TRIML2: variants seen among roughly 807,000 people sequenced by gnomAD.
TRIML2 encodes the protein probable E3 ubiquitin-protein ligase TRIML2.
In TRIML2, 28 loss-of-function variants were observed where a neutral mutation model predicts 31.2. That is an observed-to-expected ratio of 0.90 (90% CI 0.66 to 1.23). The LOEUF is 1.23. Among genes scored for constraint, TRIML2 ranks in the 50% most tolerant of loss-of-function variants. TRIML2 has a pLI of 0.00. For synonymous variants in TRIML2, 187 were observed against 197.5 expected, an observed-to-expected ratio of 0.95 and a Z score of 0.45; for missense variants, 536 against 528.3, an observed-to-expected ratio of 1.01 and a Z score of -0.14.
At chr4:188,092,405 G>C (rs941401309) in intron 7 of TRIML2, among the ~76,000 whole-genome samples, 1 of 150,484 alleles carries the variant, frequency 6.6e-6, no homozygotes, top group Non-Finnish European at 1.5e-5. Flanking sequence ...AGATTGCAGT[G>C]AGCCGAGATC....
chr4:188,103,434 C>T (rs944909629), intron 3 of TRIML2, among the ~76,000 whole-genome samples: 2 of 152,132 alleles, frequency 1.3e-5, no homozygotes. Flanking sequence ...AAGGCTGCCA[C>T]CCTAAATGAC....
At chr4:188,093,958 C>T (rs1733382364) in intron 7 of TRIML2, among the ~76,000 whole-genome samples, 1 of 151,782 alleles carries the variant, frequency 6.6e-6, no homozygotes, top group Non-Finnish European at 1.5e-5. Flanking sequence ...CAAAAATTAG[C>T]TGAGTGTGGT....
chr4:188,097,617 G>A (rs1371848322), intron 5 of TRIML2, among the ~76,000 whole-genome samples: 6 of 152,098 alleles, frequency 3.9e-5, no homozygotes, highest in Non-Finnish European at 5.9e-5. Context: ...GTCTTCAGAC[G>A]GGAGCATCTA....
At position 188,097,049 on chromosome 4, in the gene TRIML2, G is replaced by C. The variant is rs1161466642; in HGVS notation, c.745+12C>G. The C allele has an allele frequency of 1.9e-6, 3 of 1,574,242 alleles. No homozygotes were observed. In the African/African-American group the frequency reaches 4.0e-5, roughly 21 times the overall value. On this transcript the variant is annotated intron_variant, in intron 7 of 7. Transcript: ENST00000682553. Reference sequence around the variant, plus strand: ...AACAGTGCCCTGTGAGTATTCACATGTGTCAACTTACTCTGGAGTACTCTG... The same window carrying C: ...AACAGTGCCCTGTGAGTATTCACATCTGTCAACTTACTCTGGAGTACTCTG...
chr4:188,098,922 T>G (rs1733646367), intron 5 of TRIML2, 113 bp downstream of exon 5: 1 of 1,215,790 alleles, frequency 8.2e-7, no homozygotes, highest in Admixed American at 2.5e-5. Flanking sequence ...CCTTCTTTTG[T>G]GGTTGAAGAT....
intron 7 of TRIML2, 30 bp from the exon 8 acceptor site, chr4:188,091,971 A>T: frequency 6.3e-7 from 1 of 1,580,848 alleles, no homozygotes. Context: ...TCGTTAACCT[A>T]GGAGTTCACC....
chr4:188,097,242 C>T (rs1733558986), intron 6 of TRIML2, 81 bp from the exon 7 acceptor site: 1 of 1,590,406 alleles, frequency 6.3e-7, no homozygotes, highest in Non-Finnish European at 8.6e-7. Flanking sequence ...TACATCCTAC[C>T]AGCAAATGCA....
At chr4:188,099,433 G>C (rs371137233) in intron 4 of TRIML2, among the ~76,000 whole-genome samples, 2 of 151,982 alleles carry the variant, frequency 1.3e-5, no homozygotes, top group African/African-American at 4.8e-5. Context: ...GCGTGGTGGC[G>C]GGTGCCTGTA....
At chr4:188,108,904 A>G (rs1560958549) in intron 1 of TRIML2, among the ~76,000 whole-genome samples, 1 of 152,152 alleles carries the variant, frequency 6.6e-6, no homozygotes, top group Non-Finnish European at 1.5e-5. Flanking sequence ...CTCTCCATCC[A>G]TAAGAAACTA....
At chr4:188,094,340 T>C (rs1733406943) in intron 7 of TRIML2, among the ~76,000 whole-genome samples, 1 of 152,212 alleles carries the variant, frequency 6.6e-6, no homozygotes. Flanking sequence ...AAGCTATCTA[T>C]ACTCATATAC....
chr4:188,101,034 G>T, intron 4 of TRIML2, 22 bp downstream of exon 4: 1 of 1,569,242 alleles, frequency 6.4e-7, no homozygotes. Flanking sequence ...CAAATATGAG[G>T]ATGTTGTTTT....
At chr4:188,107,319 A>G (rs1420982710) in intron 1 of TRIML2, among the ~76,000 whole-genome samples, 2 of 152,128 alleles carry the variant, frequency 1.3e-5, no homozygotes, top group African/African-American at 4.8e-5. Context: ...GCTTGTTTTT[A>G]TTATTTTAAA....
chr4:188,094,765 G>A (rs950073085), intron 7 of TRIML2, among the ~76,000 whole-genome samples: 1 of 152,164 alleles, frequency 6.6e-6, no homozygotes, highest in African/African-American at 2.4e-5. Context: ...CCATTTTGAA[G>A]AAGCCAACAA....
intron 3 of TRIML2, among the ~76,000 whole-genome samples, chr4:188,103,623 T>C (rs1733899807): frequency 6.6e-6 from 1 of 152,178 alleles, no homozygotes; most frequent in Admixed American, 6.5e-5. Flanking sequence ...TTCTGATCAC[T>C]TTATTTACAA....
chr4:188,100,786 C>A (rs1733752045), intron 4 of TRIML2, among the ~76,000 whole-genome samples: 1 of 152,080 alleles, frequency 6.6e-6, no homozygotes. Flanking sequence ...TGTTGCCTTA[C>A]CCAGGTGTCT....
At chr4:188,094,971 C>T (rs1733440191) in intron 7 of TRIML2, among the ~76,000 whole-genome samples, 3 of 152,176 alleles carry the variant, frequency 2.0e-5, no homozygotes, top group Non-Finnish European at 4.4e-5. Flanking sequence ...TAGACGTGAT[C>T]GCATATACCA....
rs1419538665 is a variant in TRIML2, at chr4:188,091,639, A to AGAGAGT, written c.1047_1048insACTCTC (p.Glu349_Trp350insThrLeu). On this transcript the variant is annotated inframe_insertion, in exon 8 of 8. Coordinates refer to ENST00000682553, the MANE Select transcript of TRIML2 (RefSeq NM_173553.4). ...AGAGGGGGGAAGACCCAGAGAGTCC[A>AGAGAGT]CTCGGTCCCCATCACCGACCCCGTG... 6.2e-7 allele frequency: 1 copy of AGAGAGT among 1,613,760 alleles called. No individual in the cohort carries two copies. The highest frequency in any genetic ancestry group is 1.3e-5 in the African/African-American group (1 of 74,860).
Position 188,091,538 on chromosome 4 carries a change from G to C in TRIML2, c.1149C>G (p.Phe383Leu). 1 of 1,614,140 alleles carries C rather than the reference G, an allele frequency of 6.2e-7. No individual in the cohort carries two copies. Among genetic ancestry groups the C allele is most frequent in the South Asian group, 1.1e-5 (1 of 91,088 alleles). ...TGAGGGACATCTCGGTCACATTGTA[G>C]AATGATATCTGCCCGTGTTCGCAGT... ...FLDCEHGQIS[F>L]YNVTEMSLIY... Residue 383 changes from phenylalanine to leucine, a missense_variant, in exon 8 of 8, where the codon TTC becomes TTG. Coordinates refer to ENST00000682553, the MANE Select transcript of TRIML2 (RefSeq NM_173553.4).
chr4:188,092,855 G>A, intron 7 of TRIML2: 2 of 456,532 alleles, frequency 4.4e-6, no homozygotes, highest in South Asian at 1.5e-5. Flanking sequence ...ATCTCTGACT[G>A]TTCCTCTCAT....
Sources: allele counts gnomAD v4.1 joint callset (sites outside exome capture counted in the v4.1 genomes callset), GRCh38; gene constraint gnomAD v4.1.1; transcripts MANE v1.5; gene names NCBI Gene and HGNC (gene_info 2026-07-23, HGNC 2026-07-21).